The following FNTB variants were observed in gnomAD, a reference collection of about 807,000 sequenced individuals.
FNTB encodes protein farnesyltransferase subunit beta.
A neutral mutation model predicts 59.4 loss-of-function variants in FNTB; 27 were observed. The observed-to-expected ratio is 0.45, with a 90% confidence interval of 0.34 to 0.63. The LOEUF (loss-of-function observed/expected upper bound fraction) is 0.63, where lower values mean the gene tolerates loss of function less well. Ranked by LOEUF, FNTB falls within the 20% of genes least tolerant of loss-of-function variation. The probability of loss-of-function intolerance (pLI) is 0.02; values close to 1 mark genes in which losing one functional copy is unlikely to be tolerated. For missense variants in FNTB, 449 were observed against 559.6 expected (o/e 0.80, Z 1.99); for synonymous variants, 230 against 220.7 (o/e 1.04, Z -0.37).
In FNTB at chr14:65,032,982, A is replaced by G. The variant is rs2062114980; in HGVS notation, c.692+286A>G. 6.6e-6 allele frequency among the ~76,000 whole-genome samples: 1 copy of G among 152,236 alleles called. No homozygotes were observed. Among genetic ancestry groups the G allele is most frequent in the Non-Finnish European group, 1.5e-5 (1 of 68,050 alleles). On this transcript the variant is annotated intron_variant, in intron 7 of 11. Transcript: ENST00000246166. This position sits in a 1 kb window ranked among gnomAD's most constrained non-coding sequence, Gnocchi z 5.0. ...CCAGTTTTTAGAGCAATTTGACAGT[A>G]TGTCAAAGGTGCCCTTGCGTAGGAC... is the stretch of plus-strand genomic sequence containing the variant.
At chr14:65,016,937 T>A (rs578083864) in intron 4 of FNTB, among the ~76,000 whole-genome samples, 148 of 150,056 alleles carry the variant, frequency 9.9e-4, no homozygotes, top group Non-Finnish European at 1.8e-3. Flanking sequence ...TTTTTTTTTT[T>A]TTTGAGACAG....
At chr14:65,005,890 A>G (rs1339918969) in intron 2 of FNTB, among the ~76,000 whole-genome samples, 1 of 152,120 alleles carries the variant, frequency 6.6e-6, no homozygotes, top group Non-Finnish European at 1.5e-5. Context: ...CAGTCCTCCC[A>G]AAGTGCTGAG....
chr14:65,054,581 T>G lies in FNTB; in HGVS notation c.1074T>G (p.Arg358=), dbSNP rs965658747. The change falls in exon 11 of 12, where the codon CGT becomes CGG. Residue 358 remains arginine (R), a synonymous_variant. Transcript: ENST00000246166. The surrounding 1 kb of genome is among the most constrained non-coding windows in gnomAD (Gnocchi z 4.4). Reference sequence around the variant, plus strand: ...GAGCTGCCTGTCCTTACAGGTCGCGTGATTTCTACCACACCTGCTACTGCC... The same window carrying G: ...GAGCTGCCTGTCCTTACAGGTCGCGGGATTTCTACCACACCTGCTACTGCC... ...GGLLDKPGKS[R]DFYHTCYCLS... 6.2e-7 allele frequency: 1 copy of G among 1,612,936 alleles called. No individual in the cohort carries two copies. Among genetic ancestry groups the G allele is most frequent in the African/African-American group, 1.3e-5 (1 of 74,872 alleles).
chr14:65,013,332 T>TC (rs1306971170), intron 3 of FNTB, among the ~76,000 whole-genome samples: 2 of 151,502 alleles, frequency 1.3e-5, no homozygotes, highest in East Asian at 3.9e-4. Context: ...TTCCTTTTTT[T>TC]TTTTTCTTCC....
At position 65,054,760 on chromosome 14, in the gene FNTB, C is replaced by T; in HGVS notation, c.1182+71C>T. On this transcript the variant is annotated intron_variant, in intron 11 of 11. Coordinates refer to ENST00000246166, the MANE Select transcript of FNTB (RefSeq NM_002028.4). The surrounding 1 kb of genome is among the most constrained non-coding windows in gnomAD (Gnocchi z 4.4). ...GCGGACAGAAGGCTTTCCAAGTAAGCAGAACTGGCTCTGCATTTCCTGTGT... is the reference window on the plus strand; with the variant it reads ...GCGGACAGAAGGCTTTCCAAGTAAGTAGAACTGGCTCTGCATTTCCTGTGT... 6.7e-7 allele frequency: 1 copy of T among 1,485,308 alleles called. No homozygotes were observed. The highest frequency in any genetic ancestry group is 9.2e-7 in the Non-Finnish European group (1 of 1,089,696). 92.0% of individuals were successfully genotyped at this position (1,485,308 alleles called of 1,614,324 possible).
chr14:65,019,261 C>T (rs1217743502), intron 4 of FNTB, among the ~76,000 whole-genome samples: 2 of 151,692 alleles, frequency 1.3e-5, no homozygotes, highest in Non-Finnish European at 2.9e-5. Context: ...CTGAGACAGG[C>T]GGATTACTTG....
Position 65,027,840 on chromosome 14 carries a change from A to G in FNTB, c.605+59A>G. On this transcript the variant is annotated intron_variant, in intron 6 of 11. Coordinates refer to ENST00000246166, the MANE Select transcript of FNTB (RefSeq NM_002028.4). The surrounding 1 kb of genome is among the most constrained non-coding windows in gnomAD (Gnocchi z 5.7). ...TTGACTCTAGAGCTCATCTGCCATT[A>G]GAGATGCCAAGCCTAAGGAACATCA... The G allele has an allele frequency of 6.2e-7, 1 of 1,606,040 alleles. No homozygotes were observed. The highest frequency in any genetic ancestry group is 8.5e-7 in the Non-Finnish European group (1 of 1,174,798).
At position 65,057,809 on chromosome 14, in the gene FNTB, A is replaced by G. The variant is rs9806006; in HGVS notation, c.1182+3120A>G. On this transcript the variant is annotated intron_variant, in intron 11 of 11. Coordinates refer to ENST00000246166, the MANE Select transcript of FNTB (RefSeq NM_002028.4). Reference sequence around the variant, plus strand: ...TGACCAGCACCATTTACTGAAGTCTACAACCTTTCCTGCTGATGTGTATCT... The same window carrying G: ...TGACCAGCACCATTTACTGAAGTCTGCAACCTTTCCTGCTGATGTGTATCT... Among the ~76,000 whole-genome samples the G allele has an allele frequency of 9.8e-3, 1,493 of 152,332 alleles. 27 individuals carry two copies. Among genetic ancestry groups the G allele is most frequent in the African/African-American group, 0.034 (1,424 of 41,560 alleles).
Position 64,987,084 on chromosome 14 carries a change from C to T in FNTB, c.131C>T (p.Thr44Met). The change falls in exon 1 of 12, where the codon ACG (threonine) becomes ATG (methionine). Residue 44 changes from threonine to methionine, a missense_variant. By Grantham distance (81) the Thr-to-Met change is moderately conservative. This residue lies in a region of FNTB where 112 missense variants were observed against 80.5 expected (regional missense o/e 1.39). Transcript: ENST00000246166. ...RLQDDSVETV[T>M]SIEQAKVEEK... ...CAGGACGACTCGGTGGAAACAGTCA[C>T]GTCCATAGAACAGGTGAGGTGGCAG... 1 of 1,614,240 alleles carries T rather than the reference C, an allele frequency of 6.2e-7. No individual in the cohort carries two copies. Among genetic ancestry groups the T allele is most frequent in the Non-Finnish European group, 8.5e-7 (1 of 1,180,046 alleles).
intron 8 of FNTB, among the ~76,000 whole-genome samples, chr14:65,041,677 C>G (rs1490628459): frequency 6.6e-6 from 1 of 152,158 alleles, no homozygotes; most frequent in African/African-American, 2.4e-5. Flanking sequence ...TCTGTTGTAC[C>G]CTGTAGACAT....
chr14:65,026,137 C>A (rs1388264867), intron 4 of FNTB, among the ~76,000 whole-genome samples: 2 of 152,146 alleles, frequency 1.3e-5, no homozygotes, highest in Non-Finnish European at 2.9e-5. Context: ...GAAAGAAGGC[C>A]CCATGAACAC....
intron 4 of FNTB, among the ~76,000 whole-genome samples, chr14:65,025,243 TC>T (rs2061958519): frequency 6.6e-6 from 1 of 152,064 alleles, no homozygotes; most frequent in South Asian, 2.1e-4. Context: ...GGCTTTAGGG[TC>T]AGTAGTGTTG....
intron 1 of FNTB, among the ~76,000 whole-genome samples, chr14:64,996,156 A>T (rs1039496133): frequency 6.6e-6 from 1 of 151,668 alleles, no homozygotes; most frequent in African/African-American, 2.4e-5. Context: ...AAGAAAAGAA[A>T]CAACCAAGCC....
rs563468928 is a variant in FNTB, at chr14:65,031,979, C to CGTGT, written c.606-594_606-591dup. Among the ~76,000 whole-genome samples, 9,347 of 141,186 alleles carry CGTGT rather than the reference C, an allele frequency of 0.066. 315 individuals are homozygous for CGTGT. Among genetic ancestry groups the CGTGT allele is most frequent in the Non-Finnish European group, 0.076 (4,895 of 64,654 alleles). 92.6% of individuals were successfully genotyped at this position (141,186 alleles called of 152,430 possible). ...ATAGACGTGCGCCTTTTTCATTTAA[C>CGTGT]GTGTGTGTGTGTGTGTGTGTGTGTG... On this transcript the variant is annotated intron_variant, in intron 6 of 11. Coordinates refer to ENST00000246166, the MANE Select transcript of FNTB (RefSeq NM_002028.4). The surrounding 1 kb of genome is among the most constrained non-coding windows in gnomAD (Gnocchi z 4.6).
At chr14:64,989,148 C>A (rs1317678313) in intron 1 of FNTB, among the ~76,000 whole-genome samples, 1 of 151,694 alleles carries the variant, frequency 6.6e-6, no homozygotes, top group Non-Finnish European at 1.5e-5. Flanking sequence ...AATTTTGTGC[C>A]ATTGCCAGTA....
chr14:65,025,078 C>T (rs1360517850), intron 4 of FNTB, among the ~76,000 whole-genome samples: 20 of 152,270 alleles, frequency 1.3e-4, no homozygotes. Context: ...TCAGAATGTT[C>T]TGTAATACGG....
intron 7 of FNTB, among the ~76,000 whole-genome samples, chr14:65,035,091 C>T (rs540038740): frequency 6.6e-6 from 1 of 152,326 alleles, no homozygotes; most frequent in East Asian, 1.9e-4. Context: ...GATTTTTCTT[C>T]TTTGACTTTC....
At chr14:65,050,322 G>C (rs774431497) in intron 9 of FNTB, among the ~76,000 whole-genome samples, 1 of 152,206 alleles carries the variant, frequency 6.6e-6, no homozygotes, top group Non-Finnish European at 1.5e-5. Flanking sequence ...CTGGCCGGGC[G>C]TGGTGGCTCA....
At chr14:65,060,122 C>T (rs140834680) in intron 11 of FNTB, among the ~76,000 whole-genome samples, 35 of 151,746 alleles carry the variant, frequency 2.3e-4, no homozygotes, top group East Asian at 9.7e-4. Context: ...CATGAGCCAC[C>T]GCGTCCGGCC....
Sources: allele counts gnomAD v4.1 joint callset (sites outside exome capture counted in the v4.1 genomes callset), GRCh38; gene constraint gnomAD v4.1.1; regional missense constraint gnomAD v4.1.1; non-coding constraint Gnocchi (gnomAD v3.1); transcripts MANE v1.5; gene names NCBI Gene and HGNC (gene_info 2026-07-23, HGNC 2026-07-21).